Variants in ALK observed in about 807,000 individuals in gnomAD.
The protein encoded by ALK is ALK receptor tyrosine kinase.
A neutral mutation model predicts 163.1 loss-of-function variants in ALK; 74 were observed. The ratio of observed to expected loss-of-function variants is 0.45; its 90% confidence interval spans 0.38 to 0.55. The LOEUF (loss-of-function observed/expected upper bound fraction) is 0.55. ALK is among the 20% of genes least tolerant of loss of function. ALK has a pLI of 0.00. For missense variants in ALK, 2,063 were observed against 2,105.3 expected (o/e 0.98, Z 0.39); for synonymous variants, 960 against 843.2 (o/e 1.14, Z -2.40).
intron 1 of ALK, among the ~76,000 whole-genome samples, chr2:29,859,740 CA>C (rs1459168003): frequency 6.6e-6 from 1 of 152,162 alleles, no homozygotes; most frequent in South Asian, 2.1e-4. Context: ...GGAAGGATGT[CA>C]GGGGAGGAGA....
chr2:29,705,287 A>ATATCTCTATC (rs1358711305), intron 2 of ALK, among the ~76,000 whole-genome samples: 10 of 117,674 alleles, frequency 8.5e-5, no homozygotes, highest in African/African-American at 2.4e-4. Context: ...ATATAAATAT[A>ATATCTCTATC]TATCTGCTGT....
intron 3 of ALK, among the ~76,000 whole-genome samples, chr2:29,568,348 C>A (rs764310827): frequency 6.6e-6 from 1 of 152,230 alleles, no homozygotes; most frequent in Non-Finnish European, 1.5e-5. Flanking sequence ...CTTTTGACAA[C>A]GGCATAGTGA....
intron 3 of ALK, among the ~76,000 whole-genome samples, chr2:29,580,739 A>G (rs1674665370): frequency 6.6e-6 from 1 of 152,218 alleles, no homozygotes. Context: ...GTTCAGCTTG[A>G]ACAAAAACGG....
At chr2:29,364,063 T>G (rs1039256992) in intron 5 of ALK, among the ~76,000 whole-genome samples, 6 of 152,118 alleles carry the variant, frequency 3.9e-5, no homozygotes, top group Non-Finnish European at 7.4e-5. Flanking sequence ...TAAACACAGA[T>G]TCAAAATGGG....
intron 5 of ALK, among the ~76,000 whole-genome samples, chr2:29,360,166 C>A (rs1270100998): frequency 6.6e-6 from 1 of 152,140 alleles, no homozygotes; most frequent in Non-Finnish European, 1.5e-5. Context: ...ACCACAGAAC[C>A]CACTTTGGTT....
At chr2:29,557,273 T>C (rs892237487) in intron 3 of ALK, among the ~76,000 whole-genome samples, 1 of 152,220 alleles carries the variant, frequency 6.6e-6, no homozygotes, top group Non-Finnish European at 1.5e-5. Context: ...GATAATCAAG[T>C]AGCACATTTA....
At chr2:29,876,910 C>T (rs1169197332) in intron 1 of ALK, among the ~76,000 whole-genome samples, 2 of 152,102 alleles carry the variant, frequency 1.3e-5, no homozygotes, top group Admixed American at 6.5e-5. Context: ...GCTCTCAGGC[C>T]CTGTCCCACC....
Position 29,227,251 on chromosome 2 carries a change from C to T in ALK, c.2915-177G>A, listed in dbSNP as rs559215213. Among the ~76,000 whole-genome samples the T allele has an allele frequency of 2.6e-5, 4 of 152,240 alleles. No individual in the cohort carries two copies. The highest frequency in any genetic ancestry group is 4.2e-4 in the South Asian group (2 of 4,812). On this transcript the variant is annotated intron_variant, in intron 17 of 28. Transcript: ENST00000389048. This position sits in a 1 kb window ranked among gnomAD's most constrained non-coding sequence, Gnocchi z 4.4. ...CTTCCTGTGCATATAGAGAGTGCAG[C>T]GGAGGCAGCGGGCATGGGTGTCTAT...
At chr2:29,540,606 C>A in intron 3 of ALK, among the ~76,000 whole-genome samples, 1 of 144,408 alleles carries the variant, frequency 6.9e-6, no homozygotes, top group Non-Finnish European at 1.5e-5. Flanking sequence ...AAAAAAAAAC[C>A]CTATAGGTTT....
At chr2:29,765,059 T>G (rs529927742) in intron 1 of ALK, among the ~76,000 whole-genome samples, 1 of 152,310 alleles carries the variant, frequency 6.6e-6, no homozygotes, top group Non-Finnish European at 1.5e-5. Flanking sequence ...CTGCTTCCCC[T>G]TTGCTTTCTG....
At chr2:29,907,826 G>A (rs1667590758) in intron 1 of ALK, among the ~76,000 whole-genome samples, 1 of 151,888 alleles carries the variant, frequency 6.6e-6, no homozygotes, top group Non-Finnish European at 1.5e-5. Context: ...CCTCATCTTT[G>A]GATGGATGCC....
chr2:29,639,320 T>C (rs76341498), intron 3 of ALK, among the ~76,000 whole-genome samples: 1 of 152,166 alleles, frequency 6.6e-6, no homozygotes, highest in Non-Finnish European at 1.5e-5. Flanking sequence ...AACCCTGCTG[T>C]GTCCTTGCGT....
chr2:29,696,006 C>T (rs1380319516), intron 2 of ALK, among the ~76,000 whole-genome samples: 4 of 152,058 alleles, frequency 2.6e-5, no homozygotes, highest in Non-Finnish European at 5.9e-5. Flanking sequence ...CAGCAATCCC[C>T]AGCAATCACC....
chr2:29,809,787 A>G (rs1664706098), intron 1 of ALK, among the ~76,000 whole-genome samples: 1 of 152,212 alleles, frequency 6.6e-6, no homozygotes, highest in African/African-American at 2.4e-5. Flanking sequence ...AATTCCAAAG[A>G]GCAACTAGTA....
intron 4 of ALK, among the ~76,000 whole-genome samples, chr2:29,467,264 G>A (rs1181612251): frequency 6.6e-6 from 1 of 151,118 alleles, no homozygotes; most frequent in East Asian, 1.9e-4. Flanking sequence ...AAAATGGCAA[G>A]CCAAGTTGAG....
chr2:29,245,540 C>T (rs1299946827), intron 12 of ALK, among the ~76,000 whole-genome samples: 2 of 146,750 alleles, frequency 1.4e-5, no homozygotes, highest in Admixed American at 6.7e-5. Flanking sequence ...TGTCTCAGTG[C>T]CCTGCACAAA....
At chr2:29,245,669 G>A (rs1342360694) in intron 12 of ALK, among the ~76,000 whole-genome samples, 1 of 141,548 alleles carries the variant, frequency 7.1e-6, no homozygotes, top group African/African-American at 2.7e-5. Flanking sequence ...ATGGCTCAGT[G>A]CCCTGCACAC....
chr2:29,829,419 G>T (rs988826483), intron 1 of ALK, among the ~76,000 whole-genome samples: 5 of 152,086 alleles, frequency 3.3e-5, no homozygotes, highest in Non-Finnish European at 5.9e-5. Context: ...CTCTTTCAAG[G>T]CTGGGGAGTT....
chr2:29,690,613 T>C (rs1038956444), intron 3 of ALK, among the ~76,000 whole-genome samples: 2 of 152,230 alleles, frequency 1.3e-5, no homozygotes, highest in African/African-American at 4.8e-5. Flanking sequence ...CTCCATCTGA[T>C]GGTTCTTCAA....
Sources: allele counts gnomAD v4.1 joint callset (sites outside exome capture counted in the v4.1 genomes callset), GRCh38; gene constraint gnomAD v4.1.1; non-coding constraint Gnocchi (gnomAD v3.1); transcripts MANE v1.5; gene names NCBI Gene and HGNC (gene_info 2026-07-23, HGNC 2026-07-21).